The following EFCAB5 variants were observed in gnomAD, a reference collection of about 807,000 sequenced individuals.
EFCAB5 encodes the protein EF-hand calcium binding domain 5.
In EFCAB5, 131 loss-of-function variants were observed where a neutral mutation model predicts 167.9. The ratio of observed to expected loss-of-function variants is 0.78; its 90% CI spans 0.68 to 0.90. The LOEUF is 0.90. Among genes scored for constraint, EFCAB5 ranks in the 40% least tolerant of loss-of-function variants. The probability of loss-of-function intolerance (pLI) is 0.00; values close to 1 mark genes in which losing one functional copy is unlikely to be tolerated. For synonymous variants in EFCAB5, 574 were observed against 602.8 expected, an observed-to-expected ratio of 0.95 and a Z score of 0.70; for missense variants, 1,663 against 1,745.2, an observed-to-expected ratio of 0.95 and a Z score of 0.84.
intron 4 of EFCAB5, among the ~76,000 whole-genome samples, chr17:29,977,742 A>C (rs1422892711): frequency 6.6e-6 from 1 of 152,238 alleles, no homozygotes; most frequent in Non-Finnish European, 1.5e-5. Flanking sequence ...CCACAGCTAC[A>C]TACAAGAGAA....
intron 14 of EFCAB5, 26 bp from the exon 15 acceptor site, chr17:30,078,189 C>A (rs745699223): frequency 3.5e-5 from 56 of 1,584,440 alleles, no homozygotes; most frequent in Non-Finnish European, 4.5e-5. Flanking sequence ...TTGGTTAGTT[C>A]TTGGTTTCGT....
intron 7 of EFCAB5, among the ~76,000 whole-genome samples, chr17:30,012,664 G>T (rs2068933848): frequency 6.6e-6 from 1 of 152,132 alleles, no homozygotes; most frequent in African/African-American, 2.4e-5. Flanking sequence ...TGGTGGTAGT[G>T]GTCCCCCGGG....
rs145161276 is a variant in EFCAB5 at position 29,970,572 on chromosome 17, A to C, written c.767+1205A>C. On this transcript the variant is annotated intron_variant, in intron 4 of 22. Coordinates refer to ENST00000394835, the MANE Select transcript of EFCAB5 (RefSeq NM_198529.4). ...GAAAACCAACATCTTCAAGGCTGCA[A>C]TTAGCCAAAATTACACCACTGCACT... is the stretch of plus-strand genomic sequence containing the variant. Among the ~76,000 whole-genome samples the C allele has an allele frequency of 5.6e-3, 852 of 151,548 alleles. 4 individuals are homozygous for C. Among genetic ancestry groups the C allele is most frequent in the Middle Eastern group, 0.014 (4 of 294 alleles).
At chr17:29,953,509 T>G (rs867435732) in intron 3 of EFCAB5, among the ~76,000 whole-genome samples, 1 of 152,196 alleles carries the variant, frequency 6.6e-6, no homozygotes, top group Admixed American at 6.5e-5. Flanking sequence ...CCCCTGCACA[T>G]GCTCTCTCTC....
chr17:30,020,772 G>A (rs1485070877), intron 7 of EFCAB5, among the ~76,000 whole-genome samples: 1 of 152,106 alleles, frequency 6.6e-6, no homozygotes, highest in Non-Finnish European at 1.5e-5. Flanking sequence ...GATGGCAGTT[G>A]ACTCTCATCC....
intron 4 of EFCAB5, among the ~76,000 whole-genome samples, chr17:29,983,750 G>A (rs1188476298): frequency 6.6e-6 from 1 of 152,132 alleles, no homozygotes; most frequent in East Asian, 1.9e-4. Flanking sequence ...CTGAATGGGT[G>A]ACACAATCAA....
At chr17:30,001,741 C>T (rs183544989) in intron 7 of EFCAB5, among the ~76,000 whole-genome samples, 1 of 152,174 alleles carries the variant, frequency 6.6e-6, no homozygotes, top group African/African-American at 2.4e-5. Flanking sequence ...CAATTTACCA[C>T]CAATAAAAGC....
intron 3 of EFCAB5, among the ~76,000 whole-genome samples, chr17:29,946,700 A>C (rs149864476): frequency 0.014 from 2,096 of 152,068 alleles, 61 homozygotes; most frequent in African/African-American, 0.048. Context: ...GGCCTCCCAT[A>C]GTGCTGGGAT....
chr17:29,970,645 CACACACACACACACACACACACAT>C (rs1049282323), intron 4 of EFCAB5, among the ~76,000 whole-genome samples: 2 of 144,186 alleles, frequency 1.4e-5, no homozygotes, highest in African/African-American at 5.5e-5. Context: ...CAGACACACA[CACACACACACACACACACACACAT>C]ACACACACAC....
intron 6 of EFCAB5, among the ~76,000 whole-genome samples, chr17:29,997,758 G>C (rs1468264923): frequency 6.6e-6 from 1 of 152,058 alleles, no homozygotes; most frequent in African/African-American, 2.4e-5. Context: ...AAGTCTATGT[G>C]CAAGAATTCC....
rs1015500111 is a variant in EFCAB5, at chr17:30,083,125, T to C, written c.3579+82T>C. ...ATTTCTTGCTAATATTTGAAAACCATATTAATTAGCTATTAGTCTAAAGGA... is the reference window on the plus strand; with the variant it reads ...ATTTCTTGCTAATATTTGAAAACCACATTAATTAGCTATTAGTCTAAAGGA... On this transcript the variant is annotated intron_variant, in intron 18 of 22. Coordinates refer to ENST00000394835, the MANE Select transcript of EFCAB5 (RefSeq NM_198529.4). The C allele has an allele frequency of 4.8e-6, 7 of 1,462,024 alleles. No individual in the cohort carries two copies. The South Asian group carries it at 9.7e-5, about 20-fold the overall frequency. 90.6% of individuals were successfully genotyped at this position (1,462,024 alleles called of 1,614,324 possible). A position where few individuals can be genotyped will look rare whatever the true frequency, so the allele number is the denominator to read the frequency against.
chr17:30,107,359 A>C (rs532217842), intron 22 of EFCAB5, among the ~76,000 whole-genome samples: 1 of 152,116 alleles, frequency 6.6e-6, no homozygotes, highest in Non-Finnish European at 1.5e-5. Context: ...TTTTTAAAGA[A>C]AACATTATAG....
intron 17 of EFCAB5, among the ~76,000 whole-genome samples, chr17:30,081,877 C>T (rs190948526): frequency 6.6e-6 from 1 of 152,296 alleles, no homozygotes; most frequent in Non-Finnish European, 1.5e-5. Flanking sequence ...TATATATAGT[C>T]TTGCTAGAGA....
intron 14 of EFCAB5, among the ~76,000 whole-genome samples, chr17:30,064,624 T>C (rs2070512468): frequency 6.6e-6 from 1 of 152,186 alleles, no homozygotes; most frequent in Admixed American, 6.5e-5. Context: ...GCTGGAAATT[T>C]CCCAAGTCTG....
In EFCAB5 at chr17:30,039,944, G is replaced by A. The variant is rs143217894; in HGVS notation, c.1200+5559G>A. ...TGACAAAAGCAAAGTCTCAGTAGTA[G>A]AAATAGGAGACCTAAGGCAAACCAG... On this transcript the variant is annotated intron_variant, in intron 8 of 22. Transcript: ENST00000394835. Among the ~76,000 whole-genome samples the A allele has an allele frequency of 9.5e-4, 145 of 152,264 alleles. 2 individuals carry two copies. The highest frequency in any genetic ancestry group is 6.8e-3 in the Middle Eastern group (2 of 294).
At chr17:29,982,313 C>T (rs2068194022) in intron 4 of EFCAB5, among the ~76,000 whole-genome samples, 1 of 152,052 alleles carries the variant, frequency 6.6e-6, no homozygotes, top group Non-Finnish European at 1.5e-5. Flanking sequence ...AGAAGAATCG[C>T]TTGAACCTGG....
In EFCAB5 at chr17:29,945,259, G is replaced by A. The variant is rs1597559585; in HGVS notation, c.190+1610G>A. Among the ~76,000 whole-genome samples the A allele has an allele frequency of 3.3e-5, 5 of 150,538 alleles. No homozygotes were observed. In the South Asian group the frequency reaches 8.3e-4, roughly 25 times the overall value. ...GACTGAAGTATAGCAATATCAAAGT[G>A]TTTTCTAAACTATAAATTGATATAT... On this transcript the variant is annotated intron_variant, in intron 3 of 22. Transcript: ENST00000394835.
intron 4 of EFCAB5, among the ~76,000 whole-genome samples, chr17:29,987,094 A>C (rs2068304148): frequency 6.6e-6 from 1 of 152,178 alleles, no homozygotes; most frequent in Non-Finnish European, 1.5e-5. Context: ...TGTTGAAGGA[A>C]TACTCATGGC....
chr17:30,073,525 C>G, intron 14 of EFCAB5: 2 of 568,596 alleles, frequency 3.5e-6, no homozygotes, highest in Admixed American at 5.9e-5. Context: ...ATTTTTGATG[C>G]ATGTGGTCCA....
Sources: gnomAD v4.1 joint callset for allele counts (sites outside exome capture counted in the v4.1 genomes callset) on GRCh38, gnomAD v4.1.1 for gene constraint, MANE v1.5 for transcripts, NCBI Gene and HGNC (gene_info 2026-07-23, HGNC 2026-07-21) for gene names.